BRD1: variants seen among roughly 807,000 people sequenced by gnomAD.
BRD1 encodes bromodomain containing 1, also known as bromodomain-containing protein 1.
BRD1 carries 24 observed loss-of-function variants against 107.7 expected under a neutral mutation model. The observed-to-expected ratio is 0.22, with a 90% CI of 0.16 to 0.31. The LOEUF is 0.31. Ranked by LOEUF, BRD1 falls within the 10% of genes least tolerant of loss-of-function variation. BRD1 has a pLI of 1.00. For missense variants in BRD1, 1,279 were observed against 1,638.6 expected, an observed-to-expected ratio of 0.78 and a Z score of 3.79; for synonymous variants, 744 against 686.1, an observed-to-expected ratio of 1.08 and a Z score of -1.32.
chr22:49,774,214 C>G lies in BRD1; in HGVS notation c.*19G>C. 6.2e-7 allele frequency: 1 copy of G among 1,609,042 alleles called. No homozygotes were observed. The highest frequency in any genetic ancestry group is 8.5e-7 in the Non-Finnish European group (1 of 1,176,948). On this transcript the variant is annotated 3_prime_UTR_variant, in exon 13 of 13. Transcript: ENST00000404760. ...GCTTATCAACACTATGGACAAGACCCGCGCTGGCGGCCGGGCCGTCAGTCA... is the reference window on the plus strand; with the variant it reads ...GCTTATCAACACTATGGACAAGACCGGCGCTGGCGGCCGGGCCGTCAGTCA...
intron 12 of BRD1, among the ~76,000 whole-genome samples, chr22:49,774,999 C>T (rs959018397): frequency 2.6e-5 from 4 of 152,232 alleles, no homozygotes; most frequent in Non-Finnish European, 5.9e-5. Context: ...GGGCCACGTG[C>T]GCAGGGCACA....
Position 49,787,467 on chromosome 22 carries a change from T to G in BRD1, c.2780A>C (p.Gln927Pro). 6.2e-7 allele frequency: 1 copy of G among 1,614,196 alleles called. No individual in the cohort carries two copies. Among genetic ancestry groups the G allele is most frequent in the Non-Finnish European group, 8.5e-7 (1 of 1,180,042 alleles). Residue 927 changes from glutamine to proline, a missense_variant, in exon 8 of 13, where the codon CAG becomes CCG. Physicochemically the swap from Gln to Pro is moderately conservative, Grantham distance 76. Transcript: ENST00000404760. ...TGTGCTCCGCGACCTTTTCCTTGGC[T>G]GCAGAAGAGTCTCCAACCTCGGAAG... ...VVLPRLETLL[Q>P]PRKRSRSTCG...
intron 2 of BRD1, among the ~76,000 whole-genome samples, chr22:49,819,388 C>T (rs2060019524): frequency 6.6e-6 from 1 of 151,540 alleles, no homozygotes; most frequent in African/African-American, 2.4e-5. Context: ...CCCCATCTCA[C>T]CAAAAAATAA....
At chr22:49,812,680 A>G (rs1258988494) in intron 2 of BRD1, among the ~76,000 whole-genome samples, 3 of 152,270 alleles carry the variant, frequency 2.0e-5, no homozygotes, top group East Asian at 1.9e-4. Context: ...CTAAAGGAAC[A>G]CTAATGTCGG....
In BRD1 at chr22:49,783,040, G is replaced by C. The variant is rs1007275460; in HGVS notation, c.2857+4350C>G. On this transcript the variant is annotated intron_variant, in intron 8 of 12. Transcript: ENST00000404760. The surrounding 1 kb of genome is among the most constrained non-coding windows in gnomAD (Gnocchi z 4.2). Reference sequence around the variant, plus strand: ...GTCAGAGACAGACCCAAGGCCCATCGTGCTGGGACTCGCTCCGTGACAATG... The same window carrying C: ...GTCAGAGACAGACCCAAGGCCCATCCTGCTGGGACTCGCTCCGTGACAATG... Among the ~76,000 whole-genome samples the C allele has an allele frequency of 6.7e-6, 1 of 149,618 alleles. No individual in the cohort carries two copies. Among genetic ancestry groups the C allele is most frequent in the African/African-American group, 2.5e-5 (1 of 40,508 alleles).
At chr22:49,820,376 G>T (rs1253368097) in intron 2 of BRD1, among the ~76,000 whole-genome samples, 2 of 152,106 alleles carry the variant, frequency 1.3e-5, no homozygotes, top group African/African-American at 2.4e-5. Flanking sequence ...CTACACCGGA[G>T]CCATTGGTTA....
At position 49,775,538 on chromosome 22, in the gene BRD1, A is replaced by T; in HGVS notation, c.3386+53T>A. The T allele has an allele frequency of 2.3e-6, 3 of 1,328,214 alleles. 1 individual carries two copies. In the East Asian group the frequency reaches 8.3e-5, roughly 37 times the overall value. The allele number at this position is 1,328,214 out of a possible 1,614,324, so 82.3% of individuals were successfully genotyped here. Reference sequence around the variant, plus strand: ...CAGGGACACTCAGGTCACCGAGCCCACGGCCCCCAACCACCCCAGCCGGTC... The same window carrying T: ...CAGGGACACTCAGGTCACCGAGCCCTCGGCCCCCAACCACCCCAGCCGGTC... On this transcript the variant is annotated intron_variant, in intron 12 of 12. Coordinates refer to ENST00000404760, the MANE Select transcript of BRD1 (RefSeq NM_001304808.3).
At position 49,803,928 on chromosome 22, in the gene BRD1, A is replaced by T. The variant is rs2059690055; in HGVS notation, c.1524+276T>A. Among the ~76,000 whole-genome samples, 1 of 152,222 alleles carries T rather than the reference A, an allele frequency of 6.6e-6. No individual in the cohort carries two copies. The highest frequency in any genetic ancestry group is 6.5e-5 in the Admixed American group (1 of 15,284). ...TCCCCAGAGCTGGCCACTGCCCATC[A>T]GCGTGTGTGCGGGCAGGGCAGGGCG... On this transcript the variant is annotated intron_variant, in intron 3 of 12. Coordinates refer to ENST00000404760, the MANE Select transcript of BRD1 (RefSeq NM_001304808.3). The surrounding 1 kb of genome is among the most constrained non-coding windows in gnomAD (Gnocchi z 4.4).
At chr22:49,785,354 G>C (rs896970047) in intron 8 of BRD1, among the ~76,000 whole-genome samples, 15 of 152,250 alleles carry the variant, frequency 9.9e-5, no homozygotes, top group African/African-American at 3.6e-4. Flanking sequence ...CACGCACGCA[G>C]CCCCATACCT....
At chr22:49,811,253 A>G (rs1018164466) in intron 2 of BRD1, among the ~76,000 whole-genome samples, 7 of 152,194 alleles carry the variant, frequency 4.6e-5, no homozygotes, top group Non-Finnish European at 8.8e-5. Flanking sequence ...GAGGATGAGA[A>G]GGTGGGAAGT....
intron 2 of BRD1, among the ~76,000 whole-genome samples, chr22:49,815,879 C>T (rs1351753322): frequency 6.6e-6 from 1 of 152,216 alleles, no homozygotes; most frequent in African/African-American, 2.4e-5. Flanking sequence ...CCCGAGTGCC[C>T]GCCACTCCAG....
At chr22:49,825,147 C>G (rs944750408) in intron 1 of BRD1, among the ~76,000 whole-genome samples, 1 of 152,192 alleles carries the variant, frequency 6.6e-6, no homozygotes, top group Non-Finnish European at 1.5e-5. Context: ...GACCATGGTG[C>G]TGGCCACGTC....
intron 2 of BRD1, chr22:49,805,730 G>T (rs138856): frequency 0.32 from 47,457 of 150,514 alleles, 9,939 homozygotes; most frequent in African/African-American, 0.6. Context: ...AACTCTTCTG[G>T]TTCAGTGAGT....
At chr22:49,784,109 C>T (rs938860050) in intron 8 of BRD1, among the ~76,000 whole-genome samples, 3 of 152,020 alleles carry the variant, frequency 2.0e-5, no homozygotes, top group Non-Finnish European at 4.4e-5. Context: ...CATGGAGACT[C>T]GCAACAGGGG....
At position 49,792,323 on chromosome 22, in the gene BRD1, G is replaced by A. The variant is rs1044546572; in HGVS notation, c.2359+1711C>T. ...ACAGCTCAGTCCTCAGGGCACAGAA[G>A]ACAAGGACAGAAGGGCAGTCCACCT... On this transcript the variant is annotated intron_variant, in intron 7 of 12. Coordinates refer to ENST00000404760, the MANE Select transcript of BRD1 (RefSeq NM_001304808.3). This position sits in a 1 kb window ranked among gnomAD's most constrained non-coding sequence, Gnocchi z 4.2. Among the ~76,000 whole-genome samples the A allele has an allele frequency of 6.6e-6, 1 of 152,256 alleles. No homozygotes were observed. Among genetic ancestry groups the A allele is most frequent in the Non-Finnish European group, 1.5e-5 (1 of 68,042 alleles).
intron 2 of BRD1, among the ~76,000 whole-genome samples, chr22:49,822,242 A>G (rs1394706931): frequency 1.3e-5 from 2 of 152,146 alleles, no homozygotes; most frequent in Admixed American, 6.5e-5. Context: ...CCTGGGCAAC[A>G]TGGTGAAACC....
chr22:49,827,295 G>A (rs2060156758), intron 1 of BRD1, among the ~76,000 whole-genome samples: 2 of 149,888 alleles, frequency 1.3e-5, no homozygotes, highest in African/African-American at 4.9e-5. Flanking sequence ...CGCCCGGCCC[G>A]ACCTCCCCGG....
intron 3 of BRD1, among the ~76,000 whole-genome samples, chr22:49,801,275 G>A (rs1273332218): frequency 6.6e-6 from 1 of 152,150 alleles, no homozygotes; most frequent in African/African-American, 2.4e-5. Flanking sequence ...GGCCTTCAAC[G>A]GCCACACACA....
At position 49,824,948 on chromosome 22, in the gene BRD1, C is replaced by CGA; in HGVS notation, c.-14-618_-14-617insTC. ...AGCCTGTCCATCCTCTATAGACAGGCCCTCCACACGCACAACACGGCACAG... is the reference window on the plus strand; with the variant it reads ...AGCCTGTCCATCCTCTATAGACAGGCGACCTCCACACGCACAACACGGCACAG... On this transcript the variant is annotated intron_variant, in intron 1 of 12. Transcript: ENST00000404760. The surrounding 1 kb of genome is among the most constrained non-coding windows in gnomAD (Gnocchi z 5.9). 8.0e-6 allele frequency: 3 copies of CGA among 376,898 alleles called. No homozygotes were observed. The highest frequency in any genetic ancestry group is 2.0e-4 in the South Asian group (2 of 9,920). 23.3% of individuals were successfully genotyped at this position (376,898 alleles called of 1,614,324 possible). A position where few individuals can be genotyped will look rare whatever the true frequency, so the allele number is the denominator to read the frequency against.
Sources: allele counts gnomAD v4.1 joint callset (sites outside exome capture counted in the v4.1 genomes callset), GRCh38; gene constraint gnomAD v4.1.1; non-coding constraint Gnocchi (gnomAD v3.1); transcripts MANE v1.5; gene names NCBI Gene and HGNC (gene_info 2026-07-23, HGNC 2026-07-21).